The following TMEM132D variants were observed in gnomAD, a reference collection of about 807,000 sequenced individuals.
TMEM132D encodes the protein mature OL transmembrane protein.
A neutral mutation model predicts 62.3 loss-of-function variants in TMEM132D; 21 were observed. The observed-to-expected ratio is 0.34, with a 90% CI of 0.24 to 0.49. The LOEUF is 0.49. TMEM132D is among the 20% of genes least tolerant of loss of function. TMEM132D has a pLI of 0.99. For synonymous variants in TMEM132D, 621 were observed against 575.6 expected, an observed-to-expected ratio of 1.08 and a Z score of -1.13; for missense variants, 1,346 against 1,402.8, an observed-to-expected ratio of 0.96 and a Z score of 0.65.
intron 5 of TMEM132D, among the ~76,000 whole-genome samples, chr12:129,183,565 G>A (rs1021152402): frequency 3.3e-5 from 5 of 152,192 alleles, no homozygotes; most frequent in Admixed American, 6.5e-5. Context: ...TGATGCCAAC[G>A]GTCTTTCAGC....
At chr12:129,772,841 T>G (rs1289826267) in intron 1 of TMEM132D, among the ~76,000 whole-genome samples, 1 of 152,242 alleles carries the variant, frequency 6.6e-6, no homozygotes, top group East Asian at 1.9e-4. Context: ...GAAGCTGCAT[T>G]GCATTTAGGC....
At chr12:129,469,336 C>CT (rs938658599) in intron 3 of TMEM132D, among the ~76,000 whole-genome samples, 1 of 152,164 alleles carries the variant, frequency 6.6e-6, no homozygotes, top group African/African-American at 2.4e-5. Context: ...CTGTGATAAC[C>CT]TTTCTCAAGC....
At position 129,078,642 on chromosome 12, in the gene TMEM132D, C is replaced by A; in HGVS notation, c.2007G>T (p.Gly669=). ...GTGACAGCCCTGTCACCAGCTGCACCCCGAGGTCTGTGATGGTCACCTTCT... is the reference window on the plus strand; with the variant it reads ...GTGACAGCCCTGTCACCAGCTGCACACCGAGGTCTGTGATGGTCACCTTCT... ...LDEKVTITDL[G]VQLVTGLSLS... is the part of the protein sequence containing the mutation. The change falls in exon 8 of 9, where the codon GGG becomes GGT. Residue 669 remains glycine (G), a synonymous_variant. Transcript: ENST00000422113. 6.2e-7 allele frequency: 1 copy of A among 1,614,156 alleles called. No homozygotes were observed. The highest frequency in any genetic ancestry group is 8.5e-7 in the Non-Finnish European group (1 of 1,180,020).
chr12:129,502,185 G>C (rs1286197128), intron 3 of TMEM132D, among the ~76,000 whole-genome samples: 1 of 152,008 alleles, frequency 6.6e-6, no homozygotes, highest in Non-Finnish European at 1.5e-5. Flanking sequence ...ATTTTTAGTA[G>C]AGACGGGGTT....
intron 4 of TMEM132D, among the ~76,000 whole-genome samples, chr12:129,232,620 C>T (rs1221203734): frequency 6.6e-6 from 1 of 152,120 alleles, no homozygotes; most frequent in Non-Finnish European, 1.5e-5. Context: ...TTACTATTTG[C>T]CCCAGGTCCC....
chr12:129,599,362 T>A (rs1237940998), intron 2 of TMEM132D, among the ~76,000 whole-genome samples: 1 of 152,200 alleles, frequency 6.6e-6, no homozygotes, highest in Non-Finnish European at 1.5e-5. Context: ...AATAATAAAA[T>A]GTGATTTTGA....
intron 5 of TMEM132D, among the ~76,000 whole-genome samples, chr12:129,125,088 G>A (rs559249696): frequency 1.3e-5 from 2 of 152,264 alleles, no homozygotes; most frequent in East Asian, 3.9e-4. Flanking sequence ...TATTATTGAT[G>A]TTTCATGCTC....
At chr12:129,228,527 G>A (rs963978914) in intron 4 of TMEM132D, among the ~76,000 whole-genome samples, 1 of 151,806 alleles carries the variant, frequency 6.6e-6, no homozygotes, top group African/African-American at 2.4e-5. Flanking sequence ...CACTACCACC[G>A]TGCTTCAGCC....
At chr12:129,224,188 T>C (rs1245040898) in intron 4 of TMEM132D, among the ~76,000 whole-genome samples, 2 of 152,228 alleles carry the variant, frequency 1.3e-5, no homozygotes, top group African/African-American at 4.8e-5. Flanking sequence ...GAGTTACTCA[T>C]TGCCTTCCTT....
chr12:129,548,786 G>C (rs998321884), intron 2 of TMEM132D, among the ~76,000 whole-genome samples: 1 of 152,212 alleles, frequency 6.6e-6, no homozygotes, highest in Non-Finnish European at 1.5e-5. Context: ...TGGCCAAGAA[G>C]AAAGTGGTTT....
At chr12:129,178,894 T>C (rs527242221) in intron 5 of TMEM132D, among the ~76,000 whole-genome samples, 1 of 152,292 alleles carries the variant, frequency 6.6e-6, no homozygotes, top group Admixed American at 6.5e-5. Flanking sequence ...GCAGATGTAA[T>C]ACAAGCAAGG....
intron 3 of TMEM132D, among the ~76,000 whole-genome samples, chr12:129,341,504 T>G (rs1264493709): frequency 2.6e-5 from 4 of 152,192 alleles, no homozygotes; most frequent in Non-Finnish European, 5.9e-5. Flanking sequence ...CCAGAGCGAC[T>G]CCATCCTGAA....
chr12:129,217,880 T>C (rs981154568), intron 4 of TMEM132D, among the ~76,000 whole-genome samples: 3 of 152,178 alleles, frequency 2.0e-5, no homozygotes, highest in African/African-American at 7.2e-5. Context: ...TCCTACCTCC[T>C]TTTGTATAAG....
chr12:129,121,070 G>C (rs1305057650), intron 5 of TMEM132D, among the ~76,000 whole-genome samples: 1 of 151,782 alleles, frequency 6.6e-6, no homozygotes, highest in African/African-American at 2.4e-5. Flanking sequence ...TTACTAATCA[G>C]CTGATTTTAT....
intron 3 of TMEM132D, among the ~76,000 whole-genome samples, chr12:129,528,431 CAA>C (rs200147997): frequency 0.076 from 10,049 of 132,944 alleles, 526 homozygotes; most frequent in Admixed American, 0.21. Flanking sequence ...ATGCACACAG[CAA>C]AAAAAAAAAA....
intron 2 of TMEM132D, among the ~76,000 whole-genome samples, chr12:129,665,326 A>G (rs941891467): frequency 6.6e-6 from 1 of 152,208 alleles, no homozygotes; most frequent in East Asian, 1.9e-4. Context: ...ATGTACCAGC[A>G]TTGGAAGCTG....
At chr12:129,771,413 G>A (rs1870748327) in intron 1 of TMEM132D, among the ~76,000 whole-genome samples, 1 of 152,160 alleles carries the variant, frequency 6.6e-6, no homozygotes. Context: ...CACCTGTGCT[G>A]GGGGCTCAGT....
At chr12:129,460,272 C>G (rs141373739) in intron 3 of TMEM132D, among the ~76,000 whole-genome samples, 41 of 152,320 alleles carry the variant, frequency 2.7e-4, no homozygotes, top group Non-Finnish European at 5.1e-4. Context: ...CTGATCTAGA[C>G]ACATCTCTGT....
intron 1 of TMEM132D, among the ~76,000 whole-genome samples, chr12:129,708,941 G>A (rs1423667221): frequency 2.0e-5 from 3 of 152,124 alleles, no homozygotes; most frequent in Non-Finnish European, 2.9e-5. Context: ...ATGCAGATTA[G>A]ACAGGGAACG....
Sources: gnomAD v4.1 joint callset for allele counts (sites outside exome capture counted in the v4.1 genomes callset) on GRCh38, gnomAD v4.1.1 for gene constraint, MANE v1.5 for transcripts, NCBI Gene and HGNC (gene_info 2026-07-23, HGNC 2026-07-21) for gene names.